CPNE8: variants seen among roughly 807,000 people sequenced by gnomAD.
CPNE8 encodes copine 8, also known as copine-8.
CPNE8 carries 45 observed loss-of-function variants against 81.5 expected under a neutral mutation model. The ratio of observed to expected loss-of-function variants is 0.55; its 90% confidence interval spans 0.44 to 0.71. CPNE8 has a LOEUF of 0.71. CPNE8 is among the 30% of genes least tolerant of loss of function. CPNE8 has a pLI of 0.00. For synonymous variants in CPNE8, 252 were observed against 226.3 expected, an observed-to-expected ratio of 1.11 and a Z score of -1.02; for missense variants, 594 against 672.1, an observed-to-expected ratio of 0.88 and a Z score of 1.28.
chr12:38,738,584 G>T (rs1423538971), intron 10 of CPNE8, among the ~76,000 whole-genome samples: 1 of 152,076 alleles, frequency 6.6e-6, no homozygotes, highest in East Asian at 1.9e-4. Context: ...GTGACATTTT[G>T]AATTTAAAGC....
chr12:38,905,646 G>A, upstream of CPNE8: 1 of 1,499,826 alleles, frequency 6.7e-7, no homozygotes, highest in East Asian at 2.5e-5. Flanking sequence ...GCAGAAGAAG[G>A]AGGCGGAGGC....
At chr12:38,749,181 C>G (rs888834087) in intron 10 of CPNE8, among the ~76,000 whole-genome samples, 1 of 152,114 alleles carries the variant, frequency 6.6e-6, no homozygotes, top group East Asian at 1.9e-4. Context: ...ATGGGAGTCT[C>G]CCTGCACAAG....
At chr12:38,656,740 T>C (rs1023873939) in intron 19 of CPNE8, among the ~76,000 whole-genome samples, 5 of 152,174 alleles carry the variant, frequency 3.3e-5, no homozygotes, top group Non-Finnish European at 5.9e-5. Flanking sequence ...AACTGTTTTT[T>C]AAAATTGAAG....
chr12:38,712,313 C>T (rs955807191), intron 13 of CPNE8, among the ~76,000 whole-genome samples: 31 of 151,670 alleles, frequency 2.0e-4, no homozygotes, highest in African/African-American at 5.8e-4. Flanking sequence ...TAACAATCCC[C>T]GCCCCTGCAC....
chr12:38,756,490 A>G (rs1003669348), intron 10 of CPNE8, among the ~76,000 whole-genome samples: 8 of 151,904 alleles, frequency 5.3e-5, no homozygotes, highest in African/African-American at 1.9e-4. Flanking sequence ...AGTAGCGAGG[A>G]CTACAGCCAC....
Position 38,900,159 on chromosome 12 carries a change from C to CAGCACACCA in CPNE8, c.98+5277_98+5278insTGGTGTGCT, listed in dbSNP as rs879785581. Among the ~76,000 whole-genome samples the CAGCACACCA allele has an allele frequency of 9.3e-3, 1,410 of 152,232 alleles. 18 individuals are homozygous for CAGCACACCA. The highest frequency in any genetic ancestry group is 0.039 in the South Asian group (186 of 4,820). On this transcript the variant is annotated intron_variant, in intron 1 of 19. Coordinates refer to ENST00000331366, the MANE Select transcript of CPNE8 (RefSeq NM_153634.3). ...GCTCCAGCACACCATCAAAAAGTAT[C>CAGCACACCA]TTCCTAACACCCTAGTAGGGTGGGT...
intron 4 of CPNE8, among the ~76,000 whole-genome samples, chr12:38,847,436 C>G (rs998005098): frequency 3.9e-5 from 6 of 152,096 alleles, no homozygotes; most frequent in Non-Finnish European, 8.8e-5. Flanking sequence ...TTTTTAGTGG[C>G]AACGCTATGT....
intron 6 of CPNE8, among the ~76,000 whole-genome samples, chr12:38,791,108 C>T (rs978929441): frequency 1.3e-4 from 20 of 151,550 alleles, no homozygotes; most frequent in African/African-American, 3.4e-4. Flanking sequence ...CTATATAGAT[C>T]GTACAATAAT....
At chr12:38,905,914 C>T, upstream of CPNE8, 5 of 985,354 alleles carry the variant, frequency 5.1e-6, no homozygotes, top group Non-Finnish European at 6.0e-6. Context: ...AGACCCCTAC[C>T]GTCCAGGACC....
At chr12:38,805,676 T>C (rs867404530) in intron 6 of CPNE8, among the ~76,000 whole-genome samples, 2 of 27,006 alleles carry the variant, frequency 7.4e-5, no homozygotes, top group Admixed American at 5.0e-4. Flanking sequence ...AAAAAAAACA[T>C]TAAAAAAAAA....
intron 14 of CPNE8, among the ~76,000 whole-genome samples, chr12:38,696,334 C>A (rs1483661107): frequency 6.7e-6 from 1 of 149,386 alleles, no homozygotes; most frequent in Non-Finnish European, 1.5e-5. Context: ...CCCTTATTGT[C>A]TTTTCTCTTA....
chr12:38,871,795 A>G (rs959252070), intron 3 of CPNE8, among the ~76,000 whole-genome samples: 5 of 152,208 alleles, frequency 3.3e-5, no homozygotes, highest in African/African-American at 4.8e-5. Context: ...TAGCATAAAG[A>G]TGATGAGTTT....
chr12:38,729,035 G>A (rs1247489033), intron 11 of CPNE8, among the ~76,000 whole-genome samples: 4 of 152,014 alleles, frequency 2.6e-5, no homozygotes, highest in African/African-American at 9.7e-5. Context: ...GAGAGTCTGG[G>A]GACTGACTGA....
chr12:38,900,301 T>C (rs1944441664), intron 1 of CPNE8, among the ~76,000 whole-genome samples: 1 of 152,184 alleles, frequency 6.6e-6, no homozygotes, highest in Admixed American at 6.5e-5. Context: ...CTCAGATTCC[T>C]GGGTCCCATC....
intron 6 of CPNE8, among the ~76,000 whole-genome samples, chr12:38,791,902 G>C (rs1422141549): frequency 4.0e-5 from 6 of 150,936 alleles, no homozygotes; most frequent in African/African-American, 1.5e-4. Flanking sequence ...AATTACAATG[G>C]AATGAAATTT....
intron 14 of CPNE8, among the ~76,000 whole-genome samples, chr12:38,696,145 C>T (rs949174922): frequency 2.0e-5 from 3 of 152,116 alleles, no homozygotes; most frequent in African/African-American, 7.2e-5. Flanking sequence ...TGTACCCATA[C>T]AAAGATGTTA....
chr12:38,781,452 C>T, intron 6 of CPNE8, among the ~76,000 whole-genome samples: 1 of 151,914 alleles, frequency 6.6e-6, no homozygotes, highest in East Asian at 1.9e-4. Flanking sequence ...GGAAAGATAT[C>T]TCAGAAAATA....
chr12:38,703,151 A>G (rs1459259815), intron 13 of CPNE8, among the ~76,000 whole-genome samples: 2 of 152,202 alleles, frequency 1.3e-5, no homozygotes. Context: ...AATGAAAACT[A>G]AAGTCTCGGG....
intron 16 of CPNE8, among the ~76,000 whole-genome samples, chr12:38,683,641 T>C (rs949272951): frequency 5.9e-5 from 9 of 152,098 alleles, no homozygotes; most frequent in Admixed American, 1.3e-4. Flanking sequence ...AATTCAAAGA[T>C]GAAAGGATAA....
Sources: allele counts gnomAD v4.1 joint callset (sites outside exome capture counted in the v4.1 genomes callset), GRCh38; gene constraint gnomAD v4.1.1; transcripts MANE v1.5; gene names NCBI Gene and HGNC (gene_info 2026-07-23, HGNC 2026-07-21).